The following CLYBL variants were observed in gnomAD, a reference collection of about 807,000 sequenced individuals.
CLYBL encodes citramalyl-CoA lyase.
A neutral mutation model predicts 38.9 loss-of-function variants in CLYBL; 31 were observed. The observed-to-expected ratio is 0.80, with a 90% CI of 0.60 to 1.08. The LOEUF is 1.08. Ranked by LOEUF, CLYBL falls within the 50% of genes least tolerant of loss-of-function variation. The probability of loss-of-function intolerance (pLI) is 0.00; values close to 1 mark genes in which losing one functional copy is unlikely to be tolerated. For missense variants in CLYBL, 434 were observed against 411.6 expected (o/e 1.05, Z -0.47); for synonymous variants, 171 against 158.6 (o/e 1.08, Z -0.59).
intron 2 of CLYBL, among the ~76,000 whole-genome samples, chr13:99,782,674 G>A (rs1003668475): frequency 6.6e-6 from 1 of 152,216 alleles, no homozygotes; most frequent in South Asian, 2.1e-4. Flanking sequence ...GTGACAAAGT[G>A]TGGATTTATT....
At chr13:99,611,414 TTTC>T (rs2046625002) in intron 1 of CLYBL, among the ~76,000 whole-genome samples, 2 of 152,214 alleles carry the variant, frequency 1.3e-5, no homozygotes, top group African/African-American at 4.8e-5. Flanking sequence ...TCATAAGGCT[TTTC>T]TTCTTCAGTG....
chr13:99,638,904 A>T (rs868761715), intron 1 of CLYBL, among the ~76,000 whole-genome samples: 1 of 152,174 alleles, frequency 6.6e-6, no homozygotes, highest in South Asian at 2.1e-4. Context: ...CAGAAGGGGG[A>T]TAGAACTTCC....
At chr13:99,861,583 C>T (rs1239374279) in intron 3 of CLYBL, among the ~76,000 whole-genome samples, 13 of 152,178 alleles carry the variant, frequency 8.5e-5, no homozygotes. Flanking sequence ...TTGTCACCCC[C>T]TGCTCCTTCT....
intron 1 of CLYBL, among the ~76,000 whole-genome samples, chr13:99,668,687 G>A (rs2047519660): frequency 1.3e-5 from 2 of 152,132 alleles, no homozygotes; most frequent in Non-Finnish European, 2.9e-5. Flanking sequence ...CACTGCTGAT[G>A]TCTAAATCCC....
chr13:99,606,762 G>A lies in CLYBL; in HGVS notation c.62+5G>A, dbSNP rs964834699. 5 of 1,444,824 alleles carry A rather than the reference G, an allele frequency of 3.5e-6. No homozygotes were observed. Among genetic ancestry groups the A allele is most frequent in the Non-Finnish European group, 4.5e-6 (5 of 1,101,956 alleles). The allele number at this position is 1,444,824 out of a possible 1,614,324, so 89.5% of individuals were successfully genotyped here. A position where few individuals can be genotyped will look rare whatever the true frequency, so the allele number is the denominator to read the frequency against. ...GGCGGCGGCGCTGCTGAGGCTGTGA[G>A]TGCAGGTCCCCGTTCCCCGCCTTCC... is the stretch of plus-strand genomic sequence containing the variant. On this transcript the variant is annotated splice_donor_5th_base_variant and intron_variant, in intron 1 of 8. Coordinates refer to ENST00000339105, the MANE Select transcript of CLYBL (RefSeq NM_206808.5).
chr13:99,819,800 A>C (rs902752402), intron 2 of CLYBL, among the ~76,000 whole-genome samples: 2 of 151,984 alleles, frequency 1.3e-5, no homozygotes, highest in African/African-American at 4.8e-5. Flanking sequence ...TTAAGCCCTC[A>C]ACAGATTGGA....
intron 2 of CLYBL, among the ~76,000 whole-genome samples, chr13:99,775,665 T>C (rs1481794443): frequency 6.6e-6 from 1 of 152,034 alleles, no homozygotes; most frequent in Non-Finnish European, 1.5e-5. Flanking sequence ...CCTACCACCA[T>C]ACCCAGCTAA....
chr13:99,762,542 G>T (rs754103043), intron 1 of CLYBL, among the ~76,000 whole-genome samples: 1 of 152,132 alleles, frequency 6.6e-6, no homozygotes, highest in South Asian at 2.1e-4. Context: ...CTGTTTTTAT[G>T]CGGGTACCAT....
chr13:99,830,421 C>A (rs571601128), intron 2 of CLYBL, among the ~76,000 whole-genome samples: 1 of 152,244 alleles, frequency 6.6e-6, no homozygotes, highest in Admixed American at 6.5e-5. Context: ...GGCACCACTG[C>A]GGTATAGAAA....
In CLYBL at chr13:99,623,332, C is replaced by G. The variant is rs545231915; in HGVS notation, c.62+16575C>G. Among the ~76,000 whole-genome samples the G allele has an allele frequency of 5.9e-5, 9 of 152,260 alleles. No homozygotes were observed. The South Asian group carries it at 1.9e-3, about 32-fold the overall frequency. ...GAAGTTGTATTCTCGCGGTTTCTTC[C>G]AAATCATTTTTAAATGTACAAATTG... On this transcript the variant is annotated intron_variant, in intron 1 of 8. Coordinates refer to ENST00000339105, the MANE Select transcript of CLYBL (RefSeq NM_206808.5).
Position 99,866,355 on chromosome 13 carries a change from T to C in CLYBL, c.750T>C (p.Asp250=), listed in dbSNP as rs907839501. The C allele has an allele frequency of 3.1e-6, 5 of 1,614,196 alleles. No homozygotes were observed. The highest frequency in any genetic ancestry group is 4.2e-6 in the Non-Finnish European group (5 of 1,180,030). Reference sequence around the variant, plus strand: ...ATCTGGTGTACATTGACTTTCGAGATGGAGCTGGGCTGCTTAGACAGTCAC... The same window carrying C: ...ATCTGGTGTACATTGACTTTCGAGACGGAGCTGGGCTGCTTAGACAGTCAC... ...AIDLVYIDFR[D]GAGLLRQSRE... is the part of the protein sequence containing the mutation. Residue 250 remains aspartate, a synonymous_variant, in exon 6 of 9, where the codon GAT becomes GAC. Coordinates refer to ENST00000339105, the MANE Select transcript of CLYBL (RefSeq NM_206808.5).
rs772931225 is a variant in CLYBL at position 99,863,112 on chromosome 13, G to T, written c.540+20G>T. 10 of 1,301,700 alleles carry T rather than the reference G, an allele frequency of 7.7e-6. No homozygotes were observed. In the Middle Eastern group the frequency reaches 9.3e-4, roughly 121 times the overall value. 80.6% of individuals were successfully genotyped at this position (1,301,700 alleles called of 1,614,324 possible). A position where few individuals can be genotyped will look rare whatever the true frequency, so the allele number is the denominator to read the frequency against. On this transcript the variant is annotated intron_variant, in intron 4 of 8. Coordinates refer to ENST00000339105, the MANE Select transcript of CLYBL (RefSeq NM_206808.5). ...TTTAAGGTAAGGAAGCCATAATACGGTTAATAAGTTAGCATTTTATTTATC... is the reference window on the plus strand; with the variant it reads ...TTTAAGGTAAGGAAGCCATAATACGTTTAATAAGTTAGCATTTTATTTATC...
At chr13:99,722,585 A>G (rs2048411030) in intron 1 of CLYBL, among the ~76,000 whole-genome samples, 3 of 152,206 alleles carry the variant, frequency 2.0e-5, no homozygotes. Flanking sequence ...GAGTGAATGA[A>G]TGAATGCATT....
chr13:99,771,253 G>T (rs2049389217), intron 1 of CLYBL, among the ~76,000 whole-genome samples: 1 of 151,932 alleles, frequency 6.6e-6, no homozygotes, highest in African/African-American at 2.4e-5. Context: ...TTGCTATGTT[G>T]CCCAGGCTGA....
chr13:99,756,116 C>G (rs1243759277), intron 1 of CLYBL, among the ~76,000 whole-genome samples: 1 of 152,172 alleles, frequency 6.6e-6, no homozygotes, highest in African/African-American at 2.4e-5. Context: ...TCACCCCATT[C>G]TCACCCCTGC....
chr13:99,790,799 C>T (rs769444023), intron 2 of CLYBL, among the ~76,000 whole-genome samples: 1 of 152,202 alleles, frequency 6.6e-6, no homozygotes, highest in Non-Finnish European at 1.5e-5. Flanking sequence ...TCTCCCTTCC[C>T]CACCATTCTG....
intron 1 of CLYBL, among the ~76,000 whole-genome samples, chr13:99,609,820 G>A (rs2046598428): frequency 1.3e-5 from 2 of 152,226 alleles, no homozygotes. Flanking sequence ...ACAGGCATGA[G>A]CCATCATGCC....
At chr13:99,875,561 A>G (rs1021685780) in intron 7 of CLYBL, among the ~76,000 whole-genome samples, 1 of 152,230 alleles carries the variant, frequency 6.6e-6, no homozygotes, top group African/African-American at 2.4e-5. Context: ...GAGAGAACTC[A>G]GGAGAAGTTT....
Position 99,859,024 on chromosome 13 carries a change from T to A in CLYBL, c.413T>A (p.Val138Glu). The A allele has an allele frequency of 6.2e-7, 1 of 1,613,454 alleles. No homozygotes were observed. The highest frequency in any genetic ancestry group is 1.1e-5 in the South Asian group (1 of 90,884). ...CCTTCCAGCCTGATGCTACCAAAGG[T>A]GGAAAGTCCTGAAGAAATCCAGTGG... ...VLPSSLMLPK[V>E]ESPEEIQWFA... is the part of the protein sequence containing the mutation. Residue 138 changes from valine to glutamate, a missense_variant, in exon 3 of 9, where the codon GTG (valine) becomes GAG (glutamate). Transcript: ENST00000339105.
Sources: allele counts gnomAD v4.1 joint callset (sites outside exome capture counted in the v4.1 genomes callset), GRCh38; gene constraint gnomAD v4.1.1; transcripts MANE v1.5; gene names NCBI Gene and HGNC (gene_info 2026-07-23, HGNC 2026-07-21).